The following ZNF257 variants were observed in gnomAD, a reference collection of about 807,000 sequenced individuals.
ZNF257 encodes the protein zinc finger protein 257.
A neutral mutation model predicts 11.9 loss-of-function variants in ZNF257; 12 were observed. The observed-to-expected ratio is 1.01, with a 90% CI of 0.65 to 1.63. The LOEUF (loss-of-function observed/expected upper bound fraction) is 1.63. Among genes scored for constraint, ZNF257 ranks in the 40% most tolerant of loss-of-function variants. The pLI is 0.00. For synonymous variants in ZNF257, 183 were observed against 222.7 expected, an observed-to-expected ratio of 0.82 and a Z score of 1.59; for missense variants, 580 against 665.5, an observed-to-expected ratio of 0.87 and a Z score of 1.41.
chr19:22,061,353 C>T (rs2021790653), intron 1 of ZNF257, among the ~76,000 whole-genome samples: 1 of 152,110 alleles, frequency 6.6e-6, no homozygotes, highest in African/African-American at 2.4e-5. Flanking sequence ...AGATCTTTCA[C>T]CCCTCTGGTT....
At chr19:22,087,672 A>C (rs1253343220) in intron 3 of ZNF257, 1 of 825,054 alleles carries the variant, frequency 1.2e-6, no homozygotes, top group Non-Finnish European at 1.6e-6. Context: ...ACTATGTTAT[A>C]CTGAGGAGAA....
intron 1 of ZNF257, among the ~76,000 whole-genome samples, chr19:22,063,885 C>CA (rs2145692079): frequency 6.6e-6 from 1 of 152,266 alleles, no homozygotes; most frequent in South Asian, 2.1e-4. Context: ...GGTCAAGTGT[C>CA]AAGTTTACAT....
In ZNF257 at chr19:22,089,347, C is replaced by T. The variant is rs1358258489; in HGVS notation, c.1597C>T (p.His533Tyr). The T allele has an allele frequency of 1.2e-6, 2 of 1,613,602 alleles. No homozygotes were observed. The highest frequency in any genetic ancestry group is 1.7e-6 in the Non-Finnish European group (2 of 1,179,750). ...PFNRFSYLTV[H>Y]KRIHAGENPN... ...TAATCGTTTCTCATACCTTACCGTA[C>T]ATAAGAGAATTCATGCTGGAGAGAA... The change falls in exon 4 of 4, where the codon CAT becomes TAT. Residue 533 changes from histidine to tyrosine, a missense_variant. By Grantham distance (83) the His-to-Tyr change is moderately conservative. Transcript: ENST00000594947.
intron 3 of ZNF257, among the ~76,000 whole-genome samples, chr19:22,081,745 G>T (rs1241472757): frequency 1.3e-5 from 2 of 151,842 alleles, no homozygotes; most frequent in African/African-American, 4.8e-5. Context: ...GCCCACTCTG[G>T]TTTTGACCTT....
At chr19:22,087,098 A>G (rs1231389333) in intron 3 of ZNF257, among the ~76,000 whole-genome samples, 4 of 151,342 alleles carry the variant, frequency 2.6e-5, no homozygotes, top group Non-Finnish European at 5.9e-5. Flanking sequence ...TTATTATTCA[A>G]CTTATTTTAA....
chr19:22,053,731 G>C (rs548681398), intron 1 of ZNF257, among the ~76,000 whole-genome samples: 243 of 152,138 alleles, frequency 1.6e-3, no homozygotes, highest in African/African-American at 5.5e-3. Flanking sequence ...TTCGAGACCA[G>C]CCTTACCAAC....
At chr19:22,067,782 C>G (rs899331486) in intron 1 of ZNF257, among the ~76,000 whole-genome samples, 1 of 151,792 alleles carries the variant, frequency 6.6e-6, no homozygotes, top group Non-Finnish European at 1.5e-5. Context: ...TGCAGTGACC[C>G]GAGATCGCGC....
intron 3 of ZNF257, among the ~76,000 whole-genome samples, chr19:22,078,236 TAAAAAAAAAAA>T (rs56056830): frequency 2.0e-5 from 2 of 102,152 alleles, no homozygotes; most frequent in African/African-American, 7.0e-5. Context: ...AGACTCCAAC[TAAAAAAAAAAA>T]AAAAAAAAAA....
intron 3 of ZNF257, chr19:22,075,300 A>T (rs1052375230): frequency 6.5e-6 from 1 of 152,796 alleles, no homozygotes; most frequent in African/African-American, 2.4e-5. Flanking sequence ...TTAAATCGGG[A>T]TGTAAATGAG....
chr19:22,053,356 G>A (rs1971746627), intron 1 of ZNF257, among the ~76,000 whole-genome samples: 1 of 99,406 alleles, frequency 1.0e-5, no homozygotes, highest in African/African-American at 4.2e-5. Flanking sequence ...GACAGAGCGA[G>A]ACTCCGTCTC....
intron 1 of ZNF257, among the ~76,000 whole-genome samples, chr19:22,060,961 T>C (rs917696326): frequency 2.6e-5 from 4 of 152,230 alleles, no homozygotes; most frequent in African/African-American, 9.6e-5. Context: ...TTTGGGGCTC[T>C]TTAATCTGTT....
intron 1 of ZNF257, among the ~76,000 whole-genome samples, chr19:22,054,218 AC>A (rs1266424302): frequency 6.6e-6 from 1 of 151,684 alleles, no homozygotes; most frequent in Non-Finnish European, 1.5e-5. Context: ...GATTACAGGC[AC>A]CCACCACCAC....
chr19:22,054,313 G>A (rs2021567519), intron 1 of ZNF257, among the ~76,000 whole-genome samples: 1 of 151,954 alleles, frequency 6.6e-6, no homozygotes, highest in Admixed American at 6.6e-5. Context: ...CAGGTGATCC[G>A]CCTGCCTTGG....
At position 22,091,261 on chromosome 19, in the gene ZNF257, C is replaced by T. The variant is rs2022619641; in HGVS notation, c.*1819C>T. ...ATCAATTGAGGCCAGGAGTTTGAAA[C>T]CAGCCTGGCCAACATGGTGAAACCC... On this transcript the variant is annotated 3_prime_UTR_variant, in exon 4 of 4. Coordinates refer to ENST00000594947, the MANE Select transcript of ZNF257 (RefSeq NM_033468.4). The T allele has an allele frequency of 6.6e-6, 1 of 151,936 alleles. No homozygotes were observed. The highest frequency in any genetic ancestry group is 1.9e-4 in the East Asian group (1 of 5,180). 9.4% of individuals were successfully genotyped at this position (151,936 alleles called of 1,614,324 possible). A position where few individuals can be genotyped will look rare whatever the true frequency, so the allele number is the denominator to read the frequency against.
At chr19:22,087,947 GGAGTA>G in intron 3 of ZNF257, 25 bp from the exon 4 acceptor site, 1 of 1,458,210 alleles carries the variant, frequency 6.9e-7, no homozygotes, top group Non-Finnish European at 9.1e-7. Flanking sequence ...TCTAGTAAGT[GGAGTA>G]ATTTGTTGTT....
In ZNF257 at chr19:22,091,404, G is replaced by A. The variant is rs922402029; in HGVS notation, c.*1962G>A. The A allele has an allele frequency of 7.1e-6, 1 of 141,470 alleles. No individual in the cohort carries two copies. Among genetic ancestry groups the A allele is most frequent in the Non-Finnish European group, 1.5e-5 (1 of 66,812 alleles). 8.8% of individuals were successfully genotyped at this position (141,470 alleles called of 1,614,324 possible). ...GTACCCAGGAGGCAGAGGTTGCAGT[G>A]AGCCAAGATCACGACATTGCACTCC... On this transcript the variant is annotated 3_prime_UTR_variant, in exon 4 of 4. Coordinates refer to ENST00000594947, the MANE Select transcript of ZNF257 (RefSeq NM_033468.4).
chr19:22,054,685 T>C (rs547030446), intron 1 of ZNF257, among the ~76,000 whole-genome samples: 11 of 152,198 alleles, frequency 7.2e-5, no homozygotes, highest in Non-Finnish European at 1.3e-4. Context: ...CCTGACACTG[T>C]AGTGTAAAAA....
intron 3 of ZNF257, among the ~76,000 whole-genome samples, chr19:22,075,218 T>A (rs1037895406): frequency 2.6e-5 from 4 of 152,192 alleles, no homozygotes; most frequent in African/African-American, 9.7e-5. Flanking sequence ...AGATTGGATA[T>A]CCTTCAAGAC....
intron 3 of ZNF257, 96 bp downstream of exon 3, chr19:22,073,660 G>A: frequency 1.4e-6 from 2 of 1,433,662 alleles, no homozygotes; most frequent in African/African-American, 1.5e-5. Context: ...TTCGGAAGCT[G>A]TATTCCAAGG....
Sources: gnomAD v4.1 joint callset for allele counts (sites outside exome capture counted in the v4.1 genomes callset) on GRCh38, gnomAD v4.1.1 for gene constraint, MANE v1.5 for transcripts, NCBI Gene and HGNC (gene_info 2026-07-23, HGNC 2026-07-21) for gene names.